The following TBC1D22B variants were observed in gnomAD, a reference collection of about 807,000 sequenced individuals.
TBC1D22B encodes TBC1 domain family member 22B.
A neutral mutation model predicts 69.1 loss-of-function variants in TBC1D22B; 32 were observed. That is an observed-to-expected ratio of 0.46 (90% CI 0.35 to 0.62). TBC1D22B has a LOEUF of 0.62. Ranked by LOEUF, TBC1D22B falls within the 20% of genes least tolerant of loss-of-function variation. The pLI, the probability that TBC1D22B is intolerant of heterozygous loss-of-function variation, is 0.00. For synonymous variants in TBC1D22B, 206 were observed against 229.8 expected (o/e 0.90, Z 0.94); for missense variants, 462 against 630.9 (o/e 0.73, Z 2.87).
rs184022127 is a variant in TBC1D22B at position 37,325,789 on chromosome 6, A to G, written c.1390-5255A>G. Reference sequence around the variant, plus strand: ...GGTCGCGAACTCCTAAGCTCAGGCAATCCACCCAACTCTGCCTCCCAAAGT... The same window carrying G: ...GGTCGCGAACTCCTAAGCTCAGGCAGTCCACCCAACTCTGCCTCCCAAAGT... On this transcript the variant is annotated intron_variant, in intron 12 of 12. Transcript: ENST00000373491. Among the ~76,000 whole-genome samples, 18 of 152,090 alleles carry G rather than the reference A, an allele frequency of 1.2e-4. No individual in the cohort carries two copies. The East Asian group carries it at 1.7e-3, about 15-fold the overall frequency.
At chr6:37,280,049 A>G (rs1766778500) in intron 3 of TBC1D22B, among the ~76,000 whole-genome samples, 1 of 152,192 alleles carries the variant, frequency 6.6e-6, no homozygotes, top group Non-Finnish European at 1.5e-5. Context: ...CACTAGCATA[A>G]GGTTGTCTTT....
intron 12 of TBC1D22B, among the ~76,000 whole-genome samples, chr6:37,328,924 A>C (rs1339368654): frequency 1.3e-5 from 2 of 152,022 alleles, no homozygotes. Context: ...ACGGGGTTTC[A>C]CCATGTTGGC....
At chr6:37,327,364 G>A (rs1354246943) in intron 12 of TBC1D22B, among the ~76,000 whole-genome samples, 3 of 131,882 alleles carry the variant, frequency 2.3e-5, no homozygotes, top group East Asian at 2.1e-4. Flanking sequence ...TGTAGTCCCA[G>A]CTGCTCGGGA....
Position 37,287,272 on chromosome 6 carries a change from C to A in TBC1D22B, c.867+200C>A, listed in dbSNP as rs141147093. Among the ~76,000 whole-genome samples, 478 of 152,316 alleles carry A rather than the reference C, an allele frequency of 3.1e-3. 3 individuals are homozygous for A. The highest frequency in any genetic ancestry group is 5.4e-3 in the Non-Finnish European group (369 of 68,034). On this transcript the variant is annotated intron_variant, in intron 7 of 12. Transcript: ENST00000373491. ...AATAACACTTTGAAAGGCTAAGGAACTTGCTCAGAATTTTGAGGCTACCTG... is the reference window on the plus strand; with the variant it reads ...AATAACACTTTGAAAGGCTAAGGAAATTGCTCAGAATTTTGAGGCTACCTG...
At chr6:37,267,526 CTATA>C (rs1562039870) in intron 1 of TBC1D22B, among the ~76,000 whole-genome samples, 1 of 56,604 alleles carries the variant, frequency 1.8e-5, no homozygotes, top group Non-Finnish European at 3.5e-5. Flanking sequence ...TATATATACA[CTATA>C]TATATAATAT....
intron 6 of TBC1D22B, among the ~76,000 whole-genome samples, chr6:37,284,838 A>T (rs1766954368): frequency 6.6e-6 from 1 of 152,044 alleles, no homozygotes; most frequent in Non-Finnish European, 1.5e-5. Context: ...CTGGTCCACC[A>T]ACCACACTGT....
chr6:37,261,863 C>T (rs1027973424), intron 1 of TBC1D22B, among the ~76,000 whole-genome samples: 13 of 150,848 alleles, frequency 8.6e-5, no homozygotes, highest in African/African-American at 2.7e-4. Flanking sequence ...GGTGAATCTC[C>T]GTCTCTACTA....
At chr6:37,329,745 A>G (rs963432821) in intron 12 of TBC1D22B, among the ~76,000 whole-genome samples, 4 of 152,216 alleles carry the variant, frequency 2.6e-5, no homozygotes, top group Non-Finnish European at 5.9e-5. Flanking sequence ...CATCTTCAAC[A>G]CATGCTTTAA....
chr6:37,258,659 T>C (rs149770848), intron 1 of TBC1D22B, among the ~76,000 whole-genome samples: 1,841 of 152,350 alleles, frequency 0.012, 32 homozygotes, highest in Middle Eastern at 0.044. Context: ...TCGTTCATTC[T>C]TCAGTTGTTT....
chr6:37,301,378 C>T (rs1315394290), intron 8 of TBC1D22B, among the ~76,000 whole-genome samples: 3 of 152,172 alleles, frequency 2.0e-5, no homozygotes. Flanking sequence ...AACACTCGTA[C>T]TCTTTAGCCA....
chr6:37,285,315 CT>C (rs756459599), intron 6 of TBC1D22B, among the ~76,000 whole-genome samples: 93 of 73,548 alleles, frequency 1.3e-3, no homozygotes, highest in African/African-American at 5.0e-3. Context: ...TCCTTCCCCA[CT>C]TTTTTTTTTT....
At chr6:37,314,880 G>C (rs149702) in intron 10 of TBC1D22B, among the ~76,000 whole-genome samples, 1 of 151,586 alleles carries the variant, frequency 6.6e-6, no homozygotes, top group African/African-American at 2.4e-5. Context: ...TTATGACTTA[G>C]CATTTCAATC....
At chr6:37,285,789 T>G (rs116635903) in intron 6 of TBC1D22B, among the ~76,000 whole-genome samples, 107 of 152,192 alleles carry the variant, frequency 7.0e-4, no homozygotes, top group African/African-American at 2.5e-3. Context: ...CACCATGTAA[T>G]TTTTGTAATT....
At chr6:37,275,862 A>G (rs1332407779) in intron 2 of TBC1D22B, among the ~76,000 whole-genome samples, 2 of 151,904 alleles carry the variant, frequency 1.3e-5, no homozygotes, top group African/African-American at 2.4e-5. Flanking sequence ...AAATTTACCC[A>G]TCATTGTTTA....
intron 10 of TBC1D22B, among the ~76,000 whole-genome samples, chr6:37,315,080 C>A (rs1244633063): frequency 6.6e-6 from 1 of 152,180 alleles, no homozygotes; most frequent in Non-Finnish European, 1.5e-5. Context: ...GATAAGCTGG[C>A]TGCCAGAGGC....
At chr6:37,292,925 T>A (rs195763) in intron 8 of TBC1D22B, among the ~76,000 whole-genome samples, 136,398 of 152,088 alleles carry the variant, frequency 0.9, 61,203 homozygotes, top group Middle Eastern at 0.95. Flanking sequence ...AGCTTTGTAG[T>A]TACTGCATTT....
chr6:37,325,486 A>G (rs1318526575), intron 12 of TBC1D22B, among the ~76,000 whole-genome samples: 2 of 150,386 alleles, frequency 1.3e-5, no homozygotes, highest in Non-Finnish European at 2.9e-5. Context: ...CCTAGATAAA[A>G]GCTCCTGATT....
intron 8 of TBC1D22B, among the ~76,000 whole-genome samples, chr6:37,296,912 C>T (rs1767399794): frequency 6.6e-6 from 1 of 151,968 alleles, no homozygotes; most frequent in Non-Finnish European, 1.5e-5. Flanking sequence ...CTGCAAGCTC[C>T]ATCTCCCGGG....
intron 5 of TBC1D22B, among the ~76,000 whole-genome samples, chr6:37,283,298 T>G (rs564568420): frequency 1.5e-3 from 227 of 152,336 alleles, no homozygotes; most frequent in Non-Finnish European, 2.4e-3. Context: ...TAACCAAAAG[T>G]TGAAACCCAC....
Sources: gnomAD v4.1 joint callset for allele counts (sites outside exome capture counted in the v4.1 genomes callset) on GRCh38, gnomAD v4.1.1 for gene constraint, MANE v1.5 for transcripts, NCBI Gene and HGNC (gene_info 2026-07-23, HGNC 2026-07-21) for gene names.